Variants in RBMS3 observed in about 807,000 individuals in gnomAD.
The protein encoded by RBMS3 is RNA-binding motif, single-stranded-interacting protein 3.
RBMS3 carries 27 observed loss-of-function variants against 66.8 expected under a neutral mutation model. That is an observed-to-expected ratio of 0.40 (90% CI 0.30 to 0.56). The LOEUF (loss-of-function observed/expected upper bound fraction) is 0.56, where lower values mean the gene tolerates loss of function less well. Among genes scored for constraint, RBMS3 ranks in the 20% least tolerant of loss-of-function variants. The pLI is 0.40. For synonymous variants in RBMS3, 188 were observed against 183.0 expected (o/e 1.03, Z -0.22); for missense variants, 513 against 549.5 (o/e 0.93, Z 0.66).
intron 2 of RBMS3, among the ~76,000 whole-genome samples, chr3:29,440,682 C>T (rs756716975): frequency 7.2e-5 from 11 of 152,266 alleles, no homozygotes; most frequent in Non-Finnish European, 1.0e-4. Context: ...GCTGGAGAGC[C>T]GAAGGGTCTG....
chr3:29,605,065 T>C (rs2048277449), intron 4 of RBMS3, among the ~76,000 whole-genome samples: 1 of 151,962 alleles, frequency 6.6e-6, no homozygotes. Flanking sequence ...GCATTGAATA[T>C]TATGGTTCCA....
chr3:29,390,554 TA>T (rs60624463), intron 1 of RBMS3, among the ~76,000 whole-genome samples: 57,229 of 150,518 alleles, frequency 0.38, 11,058 homozygotes, highest in East Asian at 0.64. Flanking sequence ...AAAGTTTATT[TA>T]AAAAAAAAAT....
chr3:29,591,552 C>A (rs2047739018), intron 4 of RBMS3, among the ~76,000 whole-genome samples: 1 of 152,222 alleles, frequency 6.6e-6, no homozygotes, highest in African/African-American at 2.4e-5. Flanking sequence ...ACCCCTGATT[C>A]TGTCATCCAG....
chr3:29,492,228 C>G (rs1387262152), intron 3 of RBMS3, among the ~76,000 whole-genome samples: 1 of 152,064 alleles, frequency 6.6e-6, no homozygotes, highest in Non-Finnish European at 1.5e-5. Flanking sequence ...ATACTACTAT[C>G]CCTTTCATGT....
At chr3:29,644,065 C>A (rs906097491) in intron 4 of RBMS3, among the ~76,000 whole-genome samples, 1 of 152,178 alleles carries the variant, frequency 6.6e-6, no homozygotes, top group African/African-American at 2.4e-5. Context: ...TCCAGCTTCT[C>A]ATAATCACAG....
At chr3:29,620,322 A>G (rs2048822575) in intron 4 of RBMS3, among the ~76,000 whole-genome samples, 1 of 152,112 alleles carries the variant, frequency 6.6e-6, no homozygotes, top group Admixed American at 6.6e-5. Context: ...CAGGTTGCAT[A>G]TTCTATGTAA....
At chr3:29,448,800 C>G (rs1379427497) in intron 2 of RBMS3, among the ~76,000 whole-genome samples, 2 of 152,134 alleles carry the variant, frequency 1.3e-5, no homozygotes, top group African/African-American at 4.8e-5. Flanking sequence ...CTCCAATTCC[C>G]AATGAGGTAA....
At chr3:29,364,110 A>C (rs2037765566) in intron 1 of RBMS3, among the ~76,000 whole-genome samples, 1 of 152,162 alleles carries the variant, frequency 6.6e-6, no homozygotes, top group African/African-American at 2.4e-5. Context: ...GAACCATTAC[A>C]TGTCCAAAGT....
At chr3:29,888,633 G>A (rs1221383712) in intron 8 of RBMS3, among the ~76,000 whole-genome samples, 1 of 151,648 alleles carries the variant, frequency 6.6e-6, no homozygotes, top group African/African-American at 2.4e-5. Context: ...AGCTTACTAG[G>A]TACTGCTACT....
intron 6 of RBMS3, among the ~76,000 whole-genome samples, chr3:29,821,760 A>T (rs1198965108): frequency 2.0e-5 from 3 of 152,170 alleles, no homozygotes; most frequent in African/African-American, 7.2e-5. Context: ...ACCAAGTCTC[A>T]TTCTAGGTTT....
intron 3 of RBMS3, among the ~76,000 whole-genome samples, chr3:29,492,651 G>C (rs1414993271): frequency 1.3e-5 from 2 of 152,078 alleles, no homozygotes; most frequent in African/African-American, 4.8e-5. Flanking sequence ...ATTTTAGGTA[G>C]GGGAGAAACC....
At chr3:29,417,293 A>T (rs2040519357) in intron 1 of RBMS3, among the ~76,000 whole-genome samples, 1 of 151,966 alleles carries the variant, frequency 6.6e-6, no homozygotes, top group South Asian at 2.1e-4. Context: ...GGTCTCCAAC[A>T]TTGTATAAAC....
intron 3 of RBMS3, among the ~76,000 whole-genome samples, chr3:29,542,659 C>T (rs1348662076): frequency 1.3e-5 from 2 of 152,186 alleles, no homozygotes; most frequent in Non-Finnish European, 2.9e-5. Flanking sequence ...CCACGCCCAG[C>T]CCATCCCCAA....
chr3:29,733,403 G>A (rs1265300746), intron 4 of RBMS3, among the ~76,000 whole-genome samples: 1 of 151,690 alleles, frequency 6.6e-6, no homozygotes, highest in East Asian at 1.9e-4. Context: ...GGATTGCTGG[G>A]TCACATGTTA....
At chr3:29,673,463 G>T (rs1174019649) in intron 4 of RBMS3, among the ~76,000 whole-genome samples, 12 of 134,254 alleles carry the variant, frequency 8.9e-5, no homozygotes, top group South Asian at 4.5e-4. Flanking sequence ...CCAGGAGCTG[G>T]TTTTTTTTTT....
intron 4 of RBMS3, among the ~76,000 whole-genome samples, chr3:29,636,938 T>C (rs2049496978): frequency 6.6e-6 from 1 of 151,848 alleles, no homozygotes. Context: ...AAATGGGTCA[T>C]CTCAACTAAG....
At chr3:29,884,333 C>A in intron 8 of RBMS3, 125 bp downstream of exon 8, 1 of 815,604 alleles carries the variant, frequency 1.2e-6, no homozygotes, top group Non-Finnish European at 1.9e-6. Flanking sequence ...AAGTTTAAAC[C>A]AAGCATTTTT....
chr3:29,663,685 C>T (rs2050642182), intron 4 of RBMS3, among the ~76,000 whole-genome samples: 1 of 152,202 alleles, frequency 6.6e-6, no homozygotes, highest in Non-Finnish European at 1.5e-5. Flanking sequence ...ATTTTTCTGA[C>T]TACACCATGG....
chr3:29,754,922 C>A (rs368420378), intron 5 of RBMS3, among the ~76,000 whole-genome samples: 1 of 152,140 alleles, frequency 6.6e-6, no homozygotes, highest in Admixed American at 6.6e-5. Context: ...CATGGCTACT[C>A]AGGGGAGAGA....
Sources: allele counts gnomAD v4.1 joint callset (sites outside exome capture counted in the v4.1 genomes callset), GRCh38; gene constraint gnomAD v4.1.1; transcripts MANE v1.5; gene names NCBI Gene and HGNC (gene_info 2026-07-23, HGNC 2026-07-21).